EVX1: variants seen among roughly 807,000 people sequenced by gnomAD.
EVX1 encodes the protein even-skipped homeobox 1, also known as homeobox even-skipped homolog protein 1.
EVX1 carries 19 observed loss-of-function variants against 28.6 expected under a neutral mutation model. That is an observed-to-expected ratio of 0.67 (90% CI 0.46 to 0.98). The LOEUF (loss-of-function observed/expected upper bound fraction) is 0.98. Ranked by LOEUF, EVX1 falls within the 50% of genes least tolerant of loss-of-function variation. The pLI, the probability that EVX1 is intolerant of heterozygous loss-of-function variation, is 0.00. For synonymous variants in EVX1, 324 were observed against 278.2 expected, an observed-to-expected ratio of 1.16 and a Z score of -1.64; for missense variants, 660 against 583.0, an observed-to-expected ratio of 1.13 and a Z score of -1.36.
rs1189388109 is a variant in EVX1 at position 27,242,949 on chromosome 7, T to C, written c.-82T>C. ...TTCTTTCTCCCTCTTGCAACCAAGA[T>C]CCGTCCGGCCGCTGGAGACCCAGGG... On this transcript the variant is annotated 5_prime_UTR_variant, in exon 1 of 3. Coordinates refer to ENST00000496902, the MANE Select transcript of EVX1 (RefSeq NM_001989.5). 11 of 1,375,958 alleles carry C rather than the reference T, an allele frequency of 8.0e-6. No individual in the cohort carries two copies. Among genetic ancestry groups the C allele is most frequent in the Non-Finnish European group, 9.6e-6 (10 of 1,044,274 alleles). The allele number at this position is 1,375,958 out of a possible 1,614,324, so 85.2% of individuals were successfully genotyped here.
rs370673403 is a variant in EVX1 at position 27,243,037 on chromosome 7, A to T, written c.7A>T (p.Ser3Cys). Residue 3 changes from serine (S) to cysteine (C), a missense_variant, in exon 1 of 3, where the codon AGC becomes TGC. Ser to Cys is a moderately radical substitution (Grantham distance 112, BLOSUM62 -1). Coordinates refer to ENST00000496902, the MANE Select transcript of EVX1 (RefSeq NM_001989.5). The part of the protein sequence containing the change: ME[S>C]RKDMVVFLDG... ...CCCACCGGAGAGCCCCGGGATGGAG[A>T]GCCGAAAGGACATGGTTGTGTTTCT... 1.3e-6 allele frequency: 2 copies of T among 1,587,556 alleles called. No homozygotes were observed. The highest frequency in any genetic ancestry group is 2.7e-5 in the African/African-American group (2 of 73,560).
rs760696462 is a variant in EVX1, at chr7:27,243,164, G to T, written c.134G>T (p.Arg45Leu). 7 of 1,588,210 alleles carry T rather than the reference G, an allele frequency of 4.4e-6. No individual in the cohort carries two copies. In the Admixed American group the frequency reaches 8.9e-5, roughly 20 times the overall value. The change falls in exon 1 of 3, where the codon CGT (arginine) becomes CTT (leucine). Residue 45 changes from arginine (R) to leucine (L), a missense_variant. This residue lies in a region of EVX1 where 308 missense variants were observed against 256.6 expected (regional missense o/e 1.20). Transcript: ENST00000496902. Reference sequence around the variant, plus strand: ...GAGCCGCCCGAGAAAATGGTGCCCCGTGGTTGCCTGAGCCCTCGGGCCGTC... The same window carrying T: ...GAGCCGCCCGAGAAAATGGTGCCCCTTGGTTGCCTGAGCCCTCGGGCCGTC... ...LPEPPEKMVP[R>L]GCLSPRAVPP...
Position 27,243,269 on chromosome 7 carries a change from C to G in EVX1, c.239C>G (p.Pro80Arg), listed in dbSNP as rs1332335973. The G allele has an allele frequency of 2.6e-6, 4 of 1,543,698 alleles. No individual in the cohort carries two copies. The highest frequency in any genetic ancestry group is 3.5e-6 in the Non-Finnish European group (4 of 1,145,096). The change falls in exon 1 of 3, where the codon CCG (proline) becomes CGG (arginine). Residue 80 changes from proline (P) to arginine (R), a missense_variant. This residue lies in a region of EVX1 where 308 missense variants were observed against 256.6 expected (regional missense o/e 1.20). Transcript: ENST00000496902. ...GGACTCGCAGGCAGCGCGGCGGGGC[C>G]GGGCGCCGAGCCCCAGGTAGCTGGG... ...VDGLAGSAAGPGAEPQVAGAA... is the reference protein window; with the variant it reads ...VDGLAGSAAGRGAEPQVAGAA...
At chr7:27,244,418 T>C (rs1224150159) in intron 1 of EVX1, 4 of 902,084 alleles carry the variant, frequency 4.4e-6, no homozygotes, top group African/African-American at 1.8e-5. Flanking sequence ...CAACGCCTTG[T>C]TGAATACCTG....
rs1467272402 is a variant in EVX1, at chr7:27,243,414, C to T, written c.384C>T (p.Thr128=). The part of the protein sequence containing the change: ...DFYEEIEVSC[T]PDCATGNAEY... The stretch of plus-strand genomic sequence containing the variant: ...ATGAAGAAATCGAGGTGAGCTGCAC[C>T]CCGGACTGCGCCACCGGGAACGCCG... The change falls in exon 1 of 3, where the codon ACC becomes ACT. Residue 128 remains threonine, a synonymous_variant. Transcript: ENST00000496902. The T allele has an allele frequency of 1.2e-6, 2 of 1,610,350 alleles. No homozygotes were observed. The highest frequency in any genetic ancestry group is 1.7e-6 in the Non-Finnish European group (2 of 1,179,046).
intron 2 of EVX1, 43 bp from the exon 3 acceptor site, chr7:27,245,843 G>C (rs1325818202): frequency 1.3e-6 from 2 of 1,588,096 alleles, no homozygotes; most frequent in Non-Finnish European, 1.7e-6. Context: ...TCTGAGCATC[G>C]GGCCAAGTCC....
chr7:27,246,662 C>T lies in EVX1; in HGVS notation c.*237C>T, dbSNP rs979805715. ...GGATAGGGAAGCAGAGCTTGAGAGA[C>T]CTTCCTCCGGGGCAGCCTCCGGACC... On this transcript the variant is annotated 3_prime_UTR_variant, in exon 3 of 3. Coordinates refer to ENST00000496902, the MANE Select transcript of EVX1 (RefSeq NM_001989.5). 5 of 534,962 alleles carry T rather than the reference C, an allele frequency of 9.3e-6. No homozygotes were observed. Among genetic ancestry groups the T allele is most frequent in the Admixed American group, 8.0e-5 (2 of 24,846 alleles). The allele number at this position is 534,962 out of a possible 1,614,324, so 33.1% of individuals were successfully genotyped here.
At position 27,246,692 on chromosome 7, in the gene EVX1, G is replaced by A. The variant is rs184930287; in HGVS notation, c.*267G>A. ...CTCCGGGGCAGCCTCCGGACCCACCGCCCCCCACCAGGGTCGAGGCTGTAG... is the reference window on the plus strand; with the variant it reads ...CTCCGGGGCAGCCTCCGGACCCACCACCCCCCACCAGGGTCGAGGCTGTAG... On this transcript the variant is annotated 3_prime_UTR_variant, in exon 3 of 3. Transcript: ENST00000496902. The A allele has an allele frequency of 3.7e-3, 1,840 of 497,866 alleles. 8 individuals are homozygous for A. Among genetic ancestry groups the A allele is most frequent in the Non-Finnish European group, 4.8e-3 (1,387 of 286,030 alleles). The allele number at this position is 497,866 out of a possible 1,614,324, so 30.8% of individuals were successfully genotyped here. A position where few individuals can be genotyped will look rare whatever the true frequency, so the allele number is the denominator to read the frequency against.
Position 27,243,282 on chromosome 7 carries a change from C to G in EVX1, c.252C>G (p.Pro84=). 1 of 1,550,884 alleles carries G rather than the reference C, an allele frequency of 6.4e-7. No individual in the cohort carries two copies. Among genetic ancestry groups the G allele is most frequent in the Non-Finnish European group, 8.7e-7 (1 of 1,148,584 alleles). Residue 84 remains proline, a synonymous_variant, in exon 1 of 3, where the codon CCC becomes CCG. Coordinates refer to ENST00000496902, the MANE Select transcript of EVX1 (RefSeq NM_001989.5). ...AGSAAGPGAE[P]QVAGAAMLGP... ...GCGCGGCGGGGCCGGGCGCCGAGCCCCAGGTAGCTGGGGCGGCCATGCTCG... is the reference window on the plus strand; with the variant it reads ...GCGCGGCGGGGCCGGGCGCCGAGCCGCAGGTAGCTGGGGCGGCCATGCTCG...
rs767836821 is a variant in EVX1, at chr7:27,246,157, G to A, written c.956G>A (p.Arg319Gln). The A allele has an allele frequency of 1.1e-5, 17 of 1,505,848 alleles. No individual in the cohort carries two copies. Among genetic ancestry groups the A allele is most frequent in the Non-Finnish European group, 1.4e-5 (16 of 1,137,044 alleles). 93.3% of individuals were successfully genotyped at this position (1,505,848 alleles called of 1,614,324 possible). ...CGCGTGCTGTCGCAGCCCTACCCGC[G>A]GCCCGAACTGCTGTGCGCCTTCCGC... Reference protein sequence around the residue: ...TFRVLSQPYPRPELLCAFRHP... With the variant: ...TFRVLSQPYPQPELLCAFRHP... The change falls in exon 3 of 3, where the codon CGG becomes CAG. Residue 319 changes from arginine to glutamine, a missense_variant. Coordinates refer to ENST00000496902, the MANE Select transcript of EVX1 (RefSeq NM_001989.5).
In EVX1 at chr7:27,243,563, G is replaced by A; in HGVS notation, c.427+106G>A. 3.1e-6 allele frequency: 4 copies of A among 1,270,424 alleles called. No homozygotes were observed. The South Asian group carries it at 6.2e-5, about 20-fold the overall frequency. The allele number at this position is 1,270,424 out of a possible 1,614,324, so 78.7% of individuals were successfully genotyped here. A position where few individuals can be genotyped will look rare whatever the true frequency, so the allele number is the denominator to read the frequency against. The stretch of plus-strand genomic sequence containing the variant: ...CCCTTCCCCTAGGGCAGGATGGCTG[G>A]GGGGACCCACCTGAGCAACTCTCTC... On this transcript the variant is annotated intron_variant, in intron 1 of 2. Coordinates refer to ENST00000496902, the MANE Select transcript of EVX1 (RefSeq NM_001989.5).
chr7:27,244,654 C>A (rs1315714258), intron 1 of EVX1: 3 of 342,824 alleles, frequency 8.8e-6, no homozygotes, highest in Non-Finnish European at 1.4e-5. Flanking sequence ...CAGCATACTA[C>A]AATGCACTTG....
intron 1 of EVX1, among the ~76,000 whole-genome samples, chr7:27,244,183 A>T (rs750469171): frequency 1.3e-5 from 2 of 152,066 alleles, no homozygotes; most frequent in Non-Finnish European, 2.9e-5. Context: ...TAACTGGAGA[A>T]CCCCTCCCCA....
chr7:27,245,787 C>A (rs888091412), intron 2 of EVX1, 99 bp from the exon 3 acceptor site: 2 of 1,473,662 alleles, frequency 1.4e-6, no homozygotes, highest in Non-Finnish European at 9.0e-7. Flanking sequence ...TTTGGCTGTT[C>A]CTGCCCTGCG....
rs1414394464 is a variant in EVX1, at chr7:27,245,133, G to A, written c.513G>A (p.Ser171=). 1 of 1,613,032 alleles carries A rather than the reference G, an allele frequency of 6.2e-7. No individual in the cohort carries two copies. The highest frequency in any genetic ancestry group is 8.5e-7 in the Non-Finnish European group (1 of 1,179,972). ...KSNGGSGGGG[S]QGTLACSASD... ...ACGGCGGCAGTGGTGGGGGCGGCTC[G>A]CAAGGCACCCTGGCGTGCAGCGCCA... Residue 171 remains serine, a synonymous_variant, in exon 2 of 3, where the codon TCG becomes TCA. Transcript: ENST00000496902.
Position 27,243,291 on chromosome 7 carries a change from T to C in EVX1, c.261T>C (p.Ala87=). The C allele has an allele frequency of 1.3e-6, 2 of 1,555,616 alleles. No homozygotes were observed. The highest frequency in any genetic ancestry group is 1.7e-6 in the Non-Finnish European group (2 of 1,151,136). The stretch of plus-strand genomic sequence containing the variant: ...GGCCGGGCGCCGAGCCCCAGGTAGC[T>C]GGGGCGGCCATGCTCGGCCCAGGAC... ...AAGPGAEPQV[A]GAAMLGPGPP... Residue 87 remains alanine (A), a synonymous_variant, in exon 1 of 3, where the codon GCT becomes GCC. Transcript: ENST00000496902.
chr7:27,245,856 C>T (rs1783157069), intron 2 of EVX1, 30 bp from the exon 3 acceptor site: 2 of 1,599,500 alleles, frequency 1.3e-6, no homozygotes, highest in African/African-American at 2.7e-5. Context: ...CCAAGTCCAG[C>T]TACTGAACCT....
In EVX1 at chr7:27,245,976, A is replaced by C. The variant is rs750665807; in HGVS notation, c.775A>C (p.Met259Leu). 9 of 1,605,820 alleles carry C rather than the reference A, an allele frequency of 5.6e-6. No homozygotes were observed. Among genetic ancestry groups the C allele is most frequent in the Non-Finnish European group, 7.6e-6 (9 of 1,179,760 alleles). ...HPADPAFYTY[M>L]MSHAAAAGGL... ...GGCGGACCCCGCCTTCTACACTTAC[A>C]TGATGAGCCATGCGGCGGCCGCGGG... The change falls in exon 3 of 3, where the codon ATG (methionine) becomes CTG (leucine). Residue 259 changes from methionine to leucine, a missense_variant. By Grantham distance (15) the Met-to-Leu change is conservative. Coordinates refer to ENST00000496902, the MANE Select transcript of EVX1 (RefSeq NM_001989.5).
chr7:27,246,495 C>T lies in EVX1; in HGVS notation c.*70C>T, dbSNP rs1203811682. The T allele has an allele frequency of 3.9e-6, 5 of 1,291,192 alleles. No homozygotes were observed. The highest frequency in any genetic ancestry group is 5.3e-6 in the Non-Finnish European group (5 of 938,852). 80.0% of individuals were successfully genotyped at this position (1,291,192 alleles called of 1,614,324 possible). On this transcript the variant is annotated 3_prime_UTR_variant, in exon 3 of 3. Transcript: ENST00000496902. Reference sequence around the variant, plus strand: ...CCCCCCGGCCCCGGGACTCAGCCAGCCTCGCTCCTCGCTCCTCGCTCCTCG... The same window carrying T: ...CCCCCCGGCCCCGGGACTCAGCCAGTCTCGCTCCTCGCTCCTCGCTCCTCG...
Sources: gnomAD v4.1 joint callset for allele counts (sites outside exome capture counted in the v4.1 genomes callset) on GRCh38, gnomAD v4.1.1 for gene constraint, gnomAD v4.1.1 regional missense constraint, MANE v1.5 for transcripts, NCBI Gene and HGNC (gene_info 2026-07-23, HGNC 2026-07-21) for gene names.